Variants in GPHN observed in about 807,000 individuals in gnomAD.
GPHN encodes gephyrin.
In GPHN, 17 loss-of-function variants were observed where a neutral mutation model predicts 95.5. That is an observed-to-expected ratio of 0.18 (90% CI 0.12 to 0.27). GPHN has a LOEUF of 0.27. GPHN is among the 10% of genes least tolerant of loss of function. The probability of loss-of-function intolerance (pLI) is 1.00; values close to 1 mark genes in which losing one functional copy is unlikely to be tolerated. For synonymous variants in GPHN, 320 were observed against 322.5 expected (o/e 0.99, Z 0.08); for missense variants, 660 against 978.1 (o/e 0.67, Z 4.34).
At chr14:67,569,144 C>T in the GPHN span, 11 of 1,610,260 alleles carry the variant, frequency 6.8e-6, no homozygotes, top group African/African-American at 1.3e-5. Context: ...TCAGGAGAGC[C>T]GGATCTATGC....
chr14:67,722,656 T>A, the GPHN span: 1 of 1,613,930 alleles, frequency 6.2e-7, no homozygotes, highest in East Asian at 2.2e-5. Flanking sequence ...CTGGTCACCT[T>A]GGGACTGCTC....
At chr14:66,980,894 C>T (rs920177485) in intron 9 of GPHN, among the ~76,000 whole-genome samples, 65 of 152,016 alleles carry the variant, frequency 4.3e-4, no homozygotes, top group African/African-American at 1.5e-3. Flanking sequence ...CTATTAAAAA[C>T]ACAAAATTAG....
the GPHN span, chr14:67,649,341 G>T: frequency 6.6e-6 from 1 of 152,102 alleles, no homozygotes; most frequent in Non-Finnish European, 1.5e-5. Context: ...GGGCAACATA[G>T]TGTGACCCCG....
chr14:67,567,382 T>A, the GPHN span, among the ~76,000 whole-genome samples: 1 of 152,222 alleles, frequency 6.6e-6, no homozygotes, highest in Non-Finnish European at 1.5e-5. Flanking sequence ...TAACATTTTG[T>A]CAAACAGTCA....
At chr14:66,942,245 C>T (rs1467732510) in intron 8 of GPHN, among the ~76,000 whole-genome samples, 5 of 152,196 alleles carry the variant, frequency 3.3e-5, no homozygotes, top group African/African-American at 1.2e-4. Context: ...CTCCATACCT[C>T]AGGTGATCCA....
At chr14:66,527,094 C>A (rs926692840) in intron 1 of GPHN, among the ~76,000 whole-genome samples, 1 of 152,130 alleles carries the variant, frequency 6.6e-6, no homozygotes, top group African/African-American at 2.4e-5. Flanking sequence ...AGCTGTGAAT[C>A]CTTCTGGTCC....
At chr14:67,180,238 C>T (rs1389579313) in intron 22 of GPHN, among the ~76,000 whole-genome samples, 1 of 152,198 alleles carries the variant, frequency 6.6e-6, no homozygotes, top group East Asian at 1.9e-4. Context: ...TTGTAGTACT[C>T]TTTAAACAAA....
the GPHN span, chr14:67,352,831 T>C: frequency 1.0e-5 from 8 of 763,998 alleles, no homozygotes; most frequent in Non-Finnish European, 1.4e-5. Flanking sequence ...AAGAAAAAAA[T>C]TAATTAAAAT....
intron 4 of GPHN, among the ~76,000 whole-genome samples, chr14:66,867,161 C>G (rs761564807): frequency 6.6e-6 from 1 of 152,054 alleles, no homozygotes; most frequent in Non-Finnish European, 1.5e-5. Context: ...ATTAAAACCC[C>G]AAGAAAAGAT....
the GPHN span, among the ~76,000 whole-genome samples, chr14:67,188,161 G>A: frequency 6.6e-6 from 1 of 152,156 alleles, no homozygotes; most frequent in Non-Finnish European, 1.5e-5. Context: ...CCCATCTCAT[G>A]AGGGACAAAG....
chr14:67,619,101 C>G, the GPHN span, among the ~76,000 whole-genome samples: 1 of 152,090 alleles, frequency 6.6e-6, no homozygotes, highest in Non-Finnish European at 1.5e-5. Context: ...ATCTTTTCTT[C>G]GCTTTAAAAA....
At chr14:67,359,751 T>C in the GPHN span, 9 of 1,607,430 alleles carry the variant, frequency 5.6e-6, no homozygotes, top group African/African-American at 1.1e-4. Flanking sequence ...GAGGCTGCAA[T>C]AGCTCCAGAA....
intron 10 of GPHN, among the ~76,000 whole-genome samples, chr14:67,024,561 CT>C (rs2073828099): frequency 6.6e-6 from 1 of 152,128 alleles, no homozygotes; most frequent in African/African-American, 2.4e-5. Context: ...CCTGGTTATG[CT>C]TTATTACAGT....
intron 1 of GPHN, among the ~76,000 whole-genome samples, chr14:66,598,414 G>A (rs965623965): frequency 1.3e-5 from 2 of 152,034 alleles, no homozygotes; most frequent in Non-Finnish European, 2.9e-5. Context: ...CTGAGACTCT[G>A]AGAAAGGCAT....
intron 1 of GPHN, among the ~76,000 whole-genome samples, chr14:66,621,573 C>T (rs1395489996): frequency 7.3e-5 from 11 of 151,204 alleles, no homozygotes; most frequent in African/African-American, 9.7e-5. Flanking sequence ...TACAGGCACC[C>T]GCCACCATGC....
intron 21 of GPHN, among the ~76,000 whole-genome samples, chr14:67,169,829 C>G (rs958345476): frequency 3.9e-5 from 6 of 152,224 alleles, no homozygotes; most frequent in Non-Finnish European, 8.8e-5. Context: ...GTAATGCCAG[C>G]ACTTCGGGAG....
chr14:66,834,843 C>T (rs552884418), intron 4 of GPHN, among the ~76,000 whole-genome samples: 1 of 140,708 alleles, frequency 7.1e-6, no homozygotes, highest in Admixed American at 7.2e-5. Context: ...CCAGTTCCTC[C>T]TTGTACCTCT....
At chr14:66,775,343 A>G (rs1358508780) in intron 2 of GPHN, among the ~76,000 whole-genome samples, 2 of 152,162 alleles carry the variant, frequency 1.3e-5, no homozygotes, top group Non-Finnish European at 2.9e-5. Flanking sequence ...CTGAATTAGA[A>G]CAAAGGCAGT....
chr14:66,955,591 T>A (rs1008629470), intron 8 of GPHN, among the ~76,000 whole-genome samples: 1 of 152,220 alleles, frequency 6.6e-6, no homozygotes, highest in Non-Finnish European at 1.5e-5. Flanking sequence ...AGGGTACATG[T>A]GCACAACATG....
Sources: gnomAD v4.1 joint callset for allele counts (sites outside exome capture counted in the v4.1 genomes callset) on GRCh38, gnomAD v4.1.1 for gene constraint, MANE v1.5 for transcripts, NCBI Gene and HGNC (gene_info 2026-07-23, HGNC 2026-07-21) for gene names.